Variants in AHCYL2 observed in about 807,000 individuals in gnomAD.
AHCYL2 encodes adenosylhomocysteinase like 2.
Under a neutral mutation model 81.4 loss-of-function variants are expected in AHCYL2, and 28 were observed. The observed-to-expected ratio is 0.34, with a 90% CI of 0.25 to 0.47. The LOEUF is 0.47. AHCYL2 is among the 20% of genes least tolerant of loss of function. AHCYL2 has a pLI of 1.00. For synonymous variants in AHCYL2, 272 were observed against 290.2 expected (o/e 0.94, Z 0.64); for missense variants, 551 against 785.1 (o/e 0.70, Z 3.56).
intron 12 of AHCYL2, among the ~76,000 whole-genome samples, chr7:129,417,029 G>A (rs1365366151): frequency 2.0e-5 from 3 of 152,100 alleles, no homozygotes; most frequent in African/African-American, 7.2e-5. Context: ...TTGGGAGGCT[G>A]AGGCAGAATC....
intron 1 of AHCYL2, among the ~76,000 whole-genome samples, chr7:129,319,427 G>A (rs1797935758): frequency 6.6e-6 from 1 of 151,632 alleles, no homozygotes; most frequent in Admixed American, 6.6e-5. Context: ...TCCAGCCTGG[G>A]CAACAGAGTG....
In AHCYL2 at chr7:129,397,230, G is replaced by T; in HGVS notation, c.729G>T (p.Met243Ile). The change falls in exon 5 of 17, where the codon ATG (methionine) becomes ATT (isoleucine). Residue 243 changes from methionine (M) to isoleucine (I), a missense_variant. Around this residue, in one of 2 missense-constraint regions of AHCYL2, gnomAD observed 316 missense variants for 543.1 expected, o/e 0.58. Coordinates refer to ENST00000325006, the MANE Select transcript of AHCYL2 (RefSeq NM_015328.4). ...CTTTGTCTTTAATACAGGTGCTTAT[G>T]GAAACTCTGGGTGCTCTGGGGGCCC... Reference protein sequence around the residue: ...THITAQTAVLMETLGALGAQC... With the variant: ...THITAQTAVLIETLGALGAQC... 1.9e-6 allele frequency: 3 copies of T among 1,613,960 alleles called. No homozygotes were observed. The highest frequency in any genetic ancestry group is 2.5e-6 in the Non-Finnish European group (3 of 1,179,980).
chr7:129,268,399 G>A (rs185786360), intron 1 of AHCYL2, among the ~76,000 whole-genome samples: 49 of 152,276 alleles, frequency 3.2e-4, no homozygotes, highest in African/African-American at 1.2e-3. Flanking sequence ...CCAGGCTGGA[G>A]TGCAGTGGCA....
At chr7:129,256,568 C>G (rs1254199141) in intron 1 of AHCYL2, among the ~76,000 whole-genome samples, 2 of 138,118 alleles carry the variant, frequency 1.4e-5, no homozygotes, top group South Asian at 2.4e-4. Flanking sequence ...CCGCCTTAAT[C>G]TATCTTGTAG....
At chr7:129,299,990 T>C (rs970143672) in intron 1 of AHCYL2, among the ~76,000 whole-genome samples, 3 of 152,288 alleles carry the variant, frequency 2.0e-5, no homozygotes, top group South Asian at 4.1e-4. Context: ...TGAAAAATTT[T>C]TTTATTTATT....
intron 1 of AHCYL2, among the ~76,000 whole-genome samples, chr7:129,332,813 A>C (rs577171746): frequency 1.1e-4 from 16 of 152,276 alleles, no homozygotes; most frequent in African/African-American, 3.8e-4. Context: ...CTCCTTCCCT[A>C]GAGGAAGGGA....
intron 1 of AHCYL2, among the ~76,000 whole-genome samples, chr7:129,360,804 G>A (rs988637086): frequency 2.0e-5 from 3 of 152,122 alleles, no homozygotes. Context: ...CCAGAGATAG[G>A]CAGAGACCAA....
In AHCYL2 at chr7:129,225,400, C is replaced by G; in HGVS notation, c.324C>G (p.Pro108=). 4.6e-6 allele frequency: 7 copies of G among 1,516,750 alleles called. No individual in the cohort carries two copies. The highest frequency in any genetic ancestry group is 2.7e-5 in the East Asian group (1 of 37,534). 94.0% of individuals were successfully genotyped at this position (1,516,750 alleles called of 1,614,324 possible). Residue 108 remains proline (P), a synonymous_variant, in exon 1 of 17, where the codon CCC becomes CCG. Transcript: ENST00000325006. ...HRDGGEALVS[P]DGTVTEAPRT... is the part of the protein sequence containing the mutation. ...ACGGCGGCGAGGCCCTGGTCAGCCC[C>G]GACGGCACCGTCACCGAGGCGCCGC...
chr7:129,408,581 T>A (rs921786635), intron 10 of AHCYL2, among the ~76,000 whole-genome samples: 1 of 152,250 alleles, frequency 6.6e-6, no homozygotes, highest in African/African-American at 2.4e-5. Context: ...GAGATCCTTC[T>A]GGGACATTGA....
chr7:129,411,667 G>A (rs199821086), intron 11 of AHCYL2, among the ~76,000 whole-genome samples: 1 of 80,310 alleles, frequency 1.2e-5, no homozygotes, highest in Non-Finnish European at 3.5e-5. Flanking sequence ...TGTGAGGCAG[G>A]AGAATTGCTT....
rs34422629 is a variant in AHCYL2, at chr7:129,281,489, A to ATTT, written c.363+56073_363+56075dup. Among the ~76,000 whole-genome samples the ATTT allele has an allele frequency of 6.5e-3, 484 of 74,188 alleles. 23 individuals are homozygous for ATTT. Among genetic ancestry groups the ATTT allele is most frequent in the African/African-American group, 0.014 (250 of 17,346 alleles). 48.7% of individuals were successfully genotyped at this position (74,188 alleles called of 152,430 possible). On this transcript the variant is annotated intron_variant, in intron 1 of 16. Transcript: ENST00000325006. The stretch of plus-strand genomic sequence containing the variant: ...ATTTTATTAGTTCTTCTGTTTCTAG[A>ATTT]TTTTTTTTTTTTTTTTTTTTTTTTT...
chr7:129,293,766 A>G (rs995505584), intron 1 of AHCYL2, among the ~76,000 whole-genome samples: 1 of 152,234 alleles, frequency 6.6e-6, no homozygotes, highest in Non-Finnish European at 1.5e-5. Flanking sequence ...AACATGTTCA[A>G]ATTGTTCAAA....
At chr7:129,229,383 T>C (rs1794340255) in intron 1 of AHCYL2, among the ~76,000 whole-genome samples, 1 of 152,176 alleles carries the variant, frequency 6.6e-6, no homozygotes, top group Non-Finnish European at 1.5e-5. Context: ...GGAGTTGTCA[T>C]AGGGGTTCTG....
chr7:129,429,485 A>G lies in AHCYL2; in HGVS notation c.*2440A>G, dbSNP rs777785081. On this transcript the variant is annotated 3_prime_UTR_variant, in exon 17 of 17. Transcript: ENST00000325006. ...GCTCCAGTCTGTGAGGATACATAACATTTTCTCTACAATGAATCTGTGCTA... is the reference window on the plus strand; with the variant it reads ...GCTCCAGTCTGTGAGGATACATAACGTTTTCTCTACAATGAATCTGTGCTA... 1 of 152,084 alleles carries G rather than the reference A, an allele frequency of 6.6e-6. No homozygotes were observed. The highest frequency in any genetic ancestry group is 1.5e-5 in the Non-Finnish European group (1 of 68,020). 9.4% of individuals were successfully genotyped at this position (152,084 alleles called of 1,614,324 possible).
chr7:129,254,628 G>A (rs1448432125), intron 1 of AHCYL2, among the ~76,000 whole-genome samples: 1 of 152,108 alleles, frequency 6.6e-6, no homozygotes, highest in African/African-American at 2.4e-5. Flanking sequence ...TTTTCTCTCT[G>A]GCTTTCTTTG....
intron 1 of AHCYL2, chr7:129,377,432 G>T: frequency 2.4e-6 from 1 of 413,286 alleles, no homozygotes; most frequent in Non-Finnish European, 4.9e-6. Context: ...TGTTGTTATA[G>T]CTATGAAAAT....
Position 129,409,472 on chromosome 7 carries a change from A to G in AHCYL2, c.1296-4A>G. On this transcript the variant is annotated splice_region_variant and splice_polypyrimidine_tract_variant and intron_variant, in intron 10 of 16. Transcript: ENST00000325006. ...GGTTAATGGGTCATGCTTTATTTCA[A>G]CAGTATGGATGGATTTCGACTGGTG... The G allele has an allele frequency of 1.2e-6, 2 of 1,613,336 alleles. No homozygotes were observed. Among genetic ancestry groups the G allele is most frequent in the Non-Finnish European group, 1.7e-6 (2 of 1,179,598 alleles).
intron 1 of AHCYL2, among the ~76,000 whole-genome samples, chr7:129,340,939 C>G (rs559354952): frequency 2.0e-5 from 3 of 152,098 alleles, no homozygotes; most frequent in Admixed American, 1.3e-4. Flanking sequence ...GTATATATAT[C>G]TGTGTCCATG....
chr7:129,408,995 G>C (rs1308351053), intron 10 of AHCYL2, among the ~76,000 whole-genome samples: 1 of 152,128 alleles, frequency 6.6e-6, no homozygotes, highest in Non-Finnish European at 1.5e-5. Flanking sequence ...AGGATTGCTT[G>C]AGGCCAAGAG....
Sources: gnomAD v4.1 joint callset for allele counts (sites outside exome capture counted in the v4.1 genomes callset) on GRCh38, gnomAD v4.1.1 for gene constraint, gnomAD v4.1.1 regional missense constraint, MANE v1.5 for transcripts, NCBI Gene and HGNC (gene_info 2026-07-23, HGNC 2026-07-21) for gene names.